MTCL1: variants seen among roughly 807,000 people sequenced by gnomAD.
The protein encoded by MTCL1 is microtubule crosslinking factor 1.
Under a neutral mutation model 141.4 loss-of-function variants are expected in MTCL1, and 79 were observed. The ratio of observed to expected loss-of-function variants is 0.56; its 90% CI spans 0.47 to 0.67. The LOEUF (loss-of-function observed/expected upper bound fraction) is 0.67, where lower values mean the gene tolerates loss of function less well. MTCL1 is among the 30% of genes least tolerant of loss of function. The pLI, the probability that MTCL1 is intolerant of heterozygous loss-of-function variation, is 0.00. For synonymous variants in MTCL1, 914 were observed against 875.8 expected, an observed-to-expected ratio of 1.04 and a Z score of -0.77; for missense variants, 2,177 against 2,113.9, an observed-to-expected ratio of 1.03 and a Z score of -0.59.
At chr18:8,825,429 A>G in exon 15 of MTCL1, 10 of 1,557,856 alleles carry the variant, frequency 6.4e-6, no homozygotes, top group Non-Finnish European at 8.7e-6. Context: ...AGTCAAGGAC[A>G]TGGCCTGCCA....
At chr18:8,756,409 G>GTATATGTA (rs2096399502) in intron 4 of MTCL1, among the ~76,000 whole-genome samples, 1 of 147,962 alleles carries the variant, frequency 6.8e-6, no homozygotes, top group Non-Finnish European at 1.5e-5. Context: ...ATATATGTGT[G>GTATATGTA]TATATGTGTA....
At chr18:8,791,647 C>T (rs148424865) in intron 7 of MTCL1, among the ~76,000 whole-genome samples, 309 of 152,042 alleles carry the variant, frequency 2.0e-3, no homozygotes, top group African/African-American at 6.8e-3. Context: ...CATAAAAGAC[C>T]ACACATTTTC....
chr18:8,718,750 C>T, intron 3 of MTCL1, 102 bp downstream of exon 2: 1 of 1,026,462 alleles, frequency 9.7e-7, no homozygotes, highest in Non-Finnish European at 1.5e-6. Flanking sequence ...TCTGTCTCTA[C>T]AGATTGCAGC....
At chr18:8,824,383 G>A (rs1352393714) in intron 14 of MTCL1, among the ~76,000 whole-genome samples, 2 of 152,198 alleles carry the variant, frequency 1.3e-5, no homozygotes, top group African/African-American at 2.4e-5. Context: ...AATTCTCACT[G>A]AGGCACTGAG....
chr18:8,745,646 T>A (rs146079230), intron 4 of MTCL1, among the ~76,000 whole-genome samples: 51 of 152,300 alleles, frequency 3.3e-4, no homozygotes, highest in African/African-American at 1.0e-3. Context: ...TGCAGCAAGT[T>A]CTCTAACGTG....
chr18:8,723,382 C>T (rs1007099527), intron 4 of MTCL1, among the ~76,000 whole-genome samples: 1 of 152,114 alleles, frequency 6.6e-6, no homozygotes, highest in Non-Finnish European at 1.5e-5. Flanking sequence ...TTCTATTGTG[C>T]GCCTCACTTT....
At chr18:8,705,626 A>G, upstream of MTCL1, 1 of 1,189,600 alleles carries the variant, frequency 8.4e-7, no homozygotes, top group Non-Finnish European at 1.0e-6. The surrounding 1 kb of genome is among the most constrained non-coding windows in gnomAD (Gnocchi z 5.2). Context: ...CGTCCGGAGC[A>G]TCTGCTGCCT....
chr18:8,772,536 C>T (rs2096488934), intron 4 of MTCL1, among the ~76,000 whole-genome samples: 1 of 151,394 alleles, frequency 6.6e-6, no homozygotes, highest in South Asian at 2.1e-4. Context: ...TGACCATTAA[C>T]ATTTGGGGGT....
chr18:8,767,169 A>C (rs1419738113), intron 4 of MTCL1, among the ~76,000 whole-genome samples: 1 of 152,214 alleles, frequency 6.6e-6, no homozygotes, highest in Admixed American at 6.5e-5. Flanking sequence ...CTCCTCTTGA[A>C]TCACTTAAAG....
At chr18:8,768,529 C>T (rs752339331) in intron 4 of MTCL1, among the ~76,000 whole-genome samples, 15 of 152,156 alleles carry the variant, frequency 9.9e-5, no homozygotes, top group Non-Finnish European at 1.9e-4. Context: ...TCAGAACTTT[C>T]CTATGTGCTC....
chr18:8,824,553 G>A, intron 14 of MTCL1, 146 bp from the exon 14 acceptor site: 4 of 660,998 alleles, frequency 6.1e-6, no homozygotes, highest in Non-Finnish European at 1.0e-5. Flanking sequence ...TGTGAGTGCA[G>A]CACATGAGCA....
chr18:8,783,384 T>G, intron 5 of MTCL1, 146 bp from the exon 5 acceptor site: 1 of 766,680 alleles, frequency 1.3e-6, no homozygotes, highest in Non-Finnish European at 2.0e-6. Context: ...TCTTGGCTGT[T>G]TCTCTATGTA....
At position 8,828,118 on chromosome 18, in the gene MTCL1, G is replaced by A. The variant is rs1013911514; in HGVS notation, c.4723-790G>A. Among the ~76,000 whole-genome samples, 2 of 152,076 alleles carry A rather than the reference G, an allele frequency of 1.3e-5. No homozygotes were observed. Among genetic ancestry groups the A allele is most frequent in the Non-Finnish European group, 2.9e-5 (2 of 68,012 alleles). On this transcript the variant is annotated intron_variant, in intron 15 of 16. Coordinates refer to ENST00000359865, the Ensembl canonical transcript of MTCL1. The surrounding 1 kb of genome is among the most constrained non-coding windows in gnomAD (Gnocchi z 5.2). The stretch of plus-strand genomic sequence containing the variant: ...ATTGATGTAATATATTCAGGCCATT[G>A]CAACCCCTTCCCATTGCTCCATGAA...
intron 4 of MTCL1, among the ~76,000 whole-genome samples, chr18:8,764,862 G>A (rs1207375682): frequency 6.6e-6 from 1 of 152,184 alleles, no homozygotes; most frequent in Admixed American, 6.5e-5. Flanking sequence ...TTTTCTAAAG[G>A]CATTGTCATG....
chr18:8,732,028 C>T (rs76780005), intron 4 of MTCL1, among the ~76,000 whole-genome samples: 2 of 152,086 alleles, frequency 1.3e-5, no homozygotes, highest in African/African-American at 4.8e-5. Context: ...GTATTTGATT[C>T]TCTTGGGGTC....
Position 8,768,190 on chromosome 18 carries a change from TG to T in MTCL1, c.358-9641del, listed in dbSNP as rs2096468153. The stretch of plus-strand genomic sequence containing the variant: ...CTGTATGTTAACATTGTACTATACT[TG>T]GTTTATCACATGTCTGTCTACCCAT... On this transcript the variant is annotated intron_variant, in intron 4 of 16. Coordinates refer to ENST00000359865, the Ensembl canonical transcript of MTCL1. Among the ~76,000 whole-genome samples, 4 of 152,316 alleles carry T rather than the reference TG, an allele frequency of 2.6e-5. No homozygotes were observed. The South Asian group carries it at 6.2e-4, about 24-fold the overall frequency.
chr18:8,767,211 C>G (rs575383742), intron 4 of MTCL1, among the ~76,000 whole-genome samples: 6 of 152,308 alleles, frequency 3.9e-5, no homozygotes, highest in African/African-American at 1.4e-4. Flanking sequence ...GCTAGGGATC[C>G]TAGCTGCCAG....
At chr18:8,776,236 T>C (rs898429854) in intron 4 of MTCL1, among the ~76,000 whole-genome samples, 1 of 152,174 alleles carries the variant, frequency 6.6e-6, no homozygotes, top group Admixed American at 6.5e-5. Flanking sequence ...CCTTGACAGG[T>C]CTGGGGCCGG....
At chr18:8,718,881 C>T (rs974224576) in intron 3 of MTCL1, among the ~76,000 whole-genome samples, 2 of 151,934 alleles carry the variant, frequency 1.3e-5, no homozygotes, top group African/African-American at 2.4e-5. Flanking sequence ...TTTGTGATAA[C>T]GAAGAATTAA....
Sources: allele counts gnomAD v4.1 joint callset (sites outside exome capture counted in the v4.1 genomes callset), GRCh38; gene constraint gnomAD v4.1.1; non-coding constraint Gnocchi (gnomAD v3.1); transcripts MANE v1.5; gene names NCBI Gene and HGNC (gene_info 2026-07-23, HGNC 2026-07-21).